Variants in CAMK2D observed in about 807,000 individuals in gnomAD.
CAMK2D encodes calcium/calmodulin-dependent protein kinase type II subunit delta.
CAMK2D carries 37 observed loss-of-function variants against 84.0 expected under a neutral mutation model. The observed-to-expected ratio is 0.44, with a 90% CI of 0.34 to 0.58. The LOEUF (loss-of-function observed/expected upper bound fraction) is 0.58, where lower values mean the gene tolerates loss of function less well. CAMK2D is among the 20% of genes least tolerant of loss of function. The pLI is 0.02. For synonymous variants in CAMK2D, 202 were observed against 212.5 expected (o/e 0.95, Z 0.43); for missense variants, 448 against 652.5 (o/e 0.69, Z 3.41).
At chr4:113,745,129 T>C (rs2099601428) in intron 2 of CAMK2D, among the ~76,000 whole-genome samples, 1 of 152,228 alleles carries the variant, frequency 6.6e-6, no homozygotes. Context: ...ATAGAGGCTC[T>C]CTTTAATGTG....
At chr4:113,547,803 G>A in intron 5 of CAMK2D, 87 bp from the exon 6 acceptor site, 1 of 752,938 alleles carries the variant, frequency 1.3e-6, no homozygotes, top group Admixed American at 2.8e-5. Context: ...TTAAAGTGCA[G>A]AGCTAGCAGA....
At chr4:113,526,905 CTTTT>C (rs34934229) in intron 8 of CAMK2D, among the ~76,000 whole-genome samples, 34 of 137,046 alleles carry the variant, frequency 2.5e-4, no homozygotes, top group African/African-American at 5.6e-4. Context: ...TTTTACTGTG[CTTTT>C]TTTTTTTTTT....
intron 10 of CAMK2D, among the ~76,000 whole-genome samples, chr4:113,514,306 G>A (rs2098256754): frequency 6.6e-6 from 1 of 152,030 alleles, no homozygotes; most frequent in Non-Finnish European, 1.5e-5. Flanking sequence ...CCAGCTACTC[G>A]GGAGGCTGAG....
intron 2 of CAMK2D, among the ~76,000 whole-genome samples, chr4:113,701,933 T>C (rs555592312): frequency 9.8e-5 from 15 of 152,286 alleles, no homozygotes; most frequent in Non-Finnish European, 2.2e-4. Context: ...ACTCCTGGGT[T>C]CATGTGATCT....
rs78293748 is a variant in CAMK2D at position 113,663,102 on chromosome 4, T to A, written c.161-1330A>T. 5.9e-5 allele frequency among the ~76,000 whole-genome samples: 9 copies of A among 152,326 alleles called. No homozygotes were observed. The East Asian group carries it at 1.7e-3, about 29-fold the overall frequency. On this transcript the variant is annotated intron_variant, in intron 2 of 20. Coordinates refer to ENST00000511664, the MANE Select transcript of CAMK2D (RefSeq NM_001321571.2). Reference sequence around the variant, plus strand: ...TAGATACTCTCTGGACCTACCATTATCTAAAATTATACCTACTTCAAATAA... The same window carrying A: ...TAGATACTCTCTGGACCTACCATTAACTAAAATTATACCTACTTCAAATAA...
chr4:113,730,941 G>A lies in CAMK2D; in HGVS notation c.160+28379C>T, dbSNP rs371151844. ...TATAGGACTTACCACTGAACTAGTA[G>A]AGTCTTGTAACCAGAAACACAAAGT... On this transcript the variant is annotated intron_variant, in intron 2 of 20. Coordinates refer to ENST00000511664, the MANE Select transcript of CAMK2D (RefSeq NM_001321571.2). Among the ~76,000 whole-genome samples, 7 of 152,290 alleles carry A rather than the reference G, an allele frequency of 4.6e-5. No individual in the cohort carries two copies. In the East Asian group the frequency reaches 9.6e-4, roughly 21 times the overall value.
intron 13 of CAMK2D, among the ~76,000 whole-genome samples, chr4:113,506,951 C>T (rs2098136139): frequency 6.6e-6 from 1 of 151,926 alleles, no homozygotes; most frequent in Admixed American, 6.6e-5. Flanking sequence ...CATACACACA[C>T]CATCATCTCT....
intron 4 of CAMK2D, among the ~76,000 whole-genome samples, chr4:113,552,578 G>A (rs1478322702): frequency 6.6e-6 from 1 of 152,112 alleles, no homozygotes; most frequent in Non-Finnish European, 1.5e-5. Flanking sequence ...ACAAAAGTGG[G>A]ATCACGTGCT....
chr4:113,473,492 T>G (rs557121564), intron 16 of CAMK2D, among the ~76,000 whole-genome samples: 3 of 152,318 alleles, frequency 2.0e-5, no homozygotes, highest in African/African-American at 7.2e-5. Context: ...AGTTGAGTGA[T>G]TTAATATTTT....
intron 3 of CAMK2D, among the ~76,000 whole-genome samples, chr4:113,619,382 T>A (rs2099035542): frequency 6.6e-6 from 1 of 152,148 alleles, no homozygotes; most frequent in South Asian, 2.1e-4. Context: ...AAAACTTAAA[T>A]CTGATTATTG....
At chr4:113,506,909 A>G (rs902209804) in intron 13 of CAMK2D, among the ~76,000 whole-genome samples, 4 of 149,230 alleles carry the variant, frequency 2.7e-5, no homozygotes, top group Non-Finnish European at 5.9e-5. Flanking sequence ...CCACACACAC[A>G]CACCTACACA....
At chr4:113,540,229 G>T (rs998097893) in intron 6 of CAMK2D, among the ~76,000 whole-genome samples, 1 of 152,098 alleles carries the variant, frequency 6.6e-6, no homozygotes, top group African/African-American at 2.4e-5. Context: ...TGTTGACAAG[G>T]TTAAATTCTG....
At chr4:113,688,327 G>A (rs935981055) in intron 2 of CAMK2D, among the ~76,000 whole-genome samples, 2 of 152,156 alleles carry the variant, frequency 1.3e-5, no homozygotes, top group African/African-American at 4.8e-5. Context: ...GGGAGGGAAG[G>A]TGCATTCACC....
At chr4:113,461,531 G>A (rs763331559) in intron 17 of CAMK2D, among the ~76,000 whole-genome samples, 1 of 152,130 alleles carries the variant, frequency 6.6e-6, no homozygotes, top group Admixed American at 6.5e-5. Flanking sequence ...TGCTTGATAT[G>A]GAAAGCAGGG....
intron 5 of CAMK2D, chr4:113,548,686 G>C: frequency 6.3e-7 from 1 of 1,583,834 alleles, no homozygotes; most frequent in Non-Finnish European, 8.7e-7. Flanking sequence ...ATGCCATTTA[G>C]GTGACAATGA....
chr4:113,495,172 AATTTTTCTAAGT>A (rs1268831271), intron 16 of CAMK2D, among the ~76,000 whole-genome samples: 1 of 152,134 alleles, frequency 6.6e-6, no homozygotes. Flanking sequence ...TCCCCCCAGT[AATTTTTCTAAGT>A]AAACTTGTTG....
At chr4:113,635,351 T>G (rs1459642658) in intron 3 of CAMK2D, among the ~76,000 whole-genome samples, 1 of 152,192 alleles carries the variant, frequency 6.6e-6, no homozygotes, top group African/African-American at 2.4e-5. Context: ...TTAAGGTCTT[T>G]TCAAGCTCTA....
intron 2 of CAMK2D, among the ~76,000 whole-genome samples, chr4:113,703,662 C>T (rs986570523): frequency 6.6e-5 from 10 of 152,142 alleles, no homozygotes; most frequent in African/African-American, 2.4e-4. Context: ...TTCTTCAATG[C>T]ACTGTTGATT....
chr4:113,514,342 G>A (rs1204253209), intron 10 of CAMK2D, among the ~76,000 whole-genome samples: 1 of 152,196 alleles, frequency 6.6e-6, no homozygotes, highest in African/African-American at 2.4e-5. Context: ...GAACCTGGGA[G>A]GTGGAGGTTG....
Sources: gnomAD v4.1 joint callset for allele counts (sites outside exome capture counted in the v4.1 genomes callset) on GRCh38, gnomAD v4.1.1 for gene constraint, MANE v1.5 for transcripts, NCBI Gene and HGNC (gene_info 2026-07-23, HGNC 2026-07-21) for gene names.